Variants in CAST observed in about 807,000 individuals in gnomAD.
CAST encodes the protein calpastatin.
In CAST, 76 loss-of-function variants were observed where a neutral mutation model predicts 119.6. The ratio of observed to expected loss-of-function variants is 0.64; its 90% confidence interval spans 0.53 to 0.77. The LOEUF (loss-of-function observed/expected upper bound fraction) is 0.77. CAST is among the 30% of genes least tolerant of loss of function. The pLI, the probability that CAST is intolerant of heterozygous loss-of-function variation, is 0.00. For missense variants in CAST, 953 were observed against 946.5 expected (o/e 1.01, Z -0.09); for synonymous variants, 319 against 331.6 (o/e 0.96, Z 0.41).
At chr5:96,657,113 A>G (rs1748170914), upstream of CAST, among the ~76,000 whole-genome samples, 3 of 152,236 alleles carry the variant, frequency 2.0e-5, no homozygotes, top group South Asian at 6.2e-4. Context: ...AGAAGGATCA[A>G]GACTATTTTA....
intron 1 of CAST, among the ~76,000 whole-genome samples, chr5:96,574,027 T>TAATTGGATTGA (rs1561420492): frequency 1.8e-4 from 1 of 5,666 alleles, no homozygotes; most frequent in Admixed American, 1.8e-3. Flanking sequence ...GCCCACTTTC[T>TAATTGGATTGA]TTTTTTTTTT....
At chr5:96,486,711 G>GGT in the CAST span, among the ~76,000 whole-genome samples, 3 of 151,654 alleles carry the variant, frequency 2.0e-5, no homozygotes, top group African/African-American at 7.3e-5. Context: ...GTGTTGGGGG[G>GGT]GCAGATTCTG....
chr5:96,095,862 A>G, the CAST span, among the ~76,000 whole-genome samples: 1 of 152,166 alleles, frequency 6.6e-6, no homozygotes, highest in Non-Finnish European at 1.5e-5. Flanking sequence ...CCTTATTATT[A>G]ATTCTAGTGT....
chr5:96,185,978 A>G, the CAST span, among the ~76,000 whole-genome samples: 1 of 152,150 alleles, frequency 6.6e-6, no homozygotes, highest in Non-Finnish European at 1.5e-5. Context: ...CCTCCTATTC[A>G]TGAGCATGAA....
the CAST span, among the ~76,000 whole-genome samples, chr5:96,401,543 A>G: frequency 6.6e-6 from 1 of 152,224 alleles, no homozygotes; most frequent in Non-Finnish European, 1.5e-5. Flanking sequence ...TAATTTAGCA[A>G]CACTATAAAG....
the CAST span, among the ~76,000 whole-genome samples, chr5:96,104,494 C>A: frequency 2.6e-4 from 39 of 152,132 alleles, no homozygotes; most frequent in African/African-American, 9.2e-4. Flanking sequence ...AATAGGGAAT[C>A]CTTTCCCCAT....
chr5:96,480,051 T>A, the CAST span, among the ~76,000 whole-genome samples: 1 of 152,148 alleles, frequency 6.6e-6, no homozygotes, highest in Non-Finnish European at 1.5e-5. Flanking sequence ...CAATTTTAAG[T>A]CATGTTACAG....
At chr5:96,586,012 A>C (rs1267558392) in intron 1 of CAST, among the ~76,000 whole-genome samples, 1 of 152,248 alleles carries the variant, frequency 6.6e-6, no homozygotes, top group African/African-American at 2.4e-5. Context: ...GCTAAGATAT[A>C]CTGAAAAATT....
At chr5:96,396,916 A>G in the CAST span, among the ~76,000 whole-genome samples, 1 of 152,238 alleles carries the variant, frequency 6.6e-6, no homozygotes, top group African/African-American at 2.4e-5. Context: ...CTACATCTAA[A>G]TAGCTATTGC....
the CAST span, among the ~76,000 whole-genome samples, chr5:96,117,497 G>A: frequency 6.6e-6 from 1 of 152,148 alleles, no homozygotes; most frequent in African/African-American, 2.4e-5. Context: ...ACAATAAATG[G>A]TATTGTTTAA....
At chr5:96,642,684 G>A (rs1351483215) in intron 1 of CAST, among the ~76,000 whole-genome samples, 2 of 151,854 alleles carry the variant, frequency 1.3e-5, no homozygotes, top group Non-Finnish European at 2.9e-5. Context: ...TAGGATTACA[G>A]GCACCCGGCA....
At chr5:96,771,784 A>G (rs1253425467) in intron 31 of CAST, 82 bp downstream of exon 31, 2 of 792,274 alleles carry the variant, frequency 2.5e-6, no homozygotes, top group African/African-American at 1.7e-5. Flanking sequence ...AGTGAAGTCC[A>G]CCTCTTGAGT....
chr5:96,559,651 C>T (rs988401622), intron 1 of CAST, among the ~76,000 whole-genome samples: 14 of 152,088 alleles, frequency 9.2e-5, no homozygotes, highest in South Asian at 4.1e-4. Flanking sequence ...TTACAAGGGA[C>T]GTAAAGGACC....
At chr5:96,400,147 G>A in the CAST span, 1 of 1,614,048 alleles carries the variant, frequency 6.2e-7, no homozygotes, top group Non-Finnish European at 8.5e-7. Flanking sequence ...CAGAGGTCCA[G>A]ACAACCAGGT....
the CAST span, among the ~76,000 whole-genome samples, chr5:96,331,591 CCTT>C: frequency 1.3e-5 from 2 of 152,150 alleles, no homozygotes; most frequent in Non-Finnish European, 2.9e-5. Context: ...AGTTTATTCT[CCTT>C]GTTTTTATAT....
chr5:96,174,374 A>G, the CAST span, among the ~76,000 whole-genome samples: 2 of 152,194 alleles, frequency 1.3e-5, no homozygotes, highest in African/African-American at 4.8e-5. Context: ...CATTAGACAG[A>G]TATTTGTTGA....
chr5:96,390,201 T>G, the CAST span, among the ~76,000 whole-genome samples: 2 of 152,310 alleles, frequency 1.3e-5, no homozygotes, highest in East Asian at 1.9e-4. Flanking sequence ...AAACATACCT[T>G]GTTCAGGTAG....
rs189241877 is a variant in CAST, at chr5:96,724,610, C to T, written c.270+1912C>T. ...TTTTGAGAGGTCAAGGTGGGAGGAT[C>T]GCTTGAGCCCAGGAGTTTGGGACCA... On this transcript the variant is annotated intron_variant, in intron 4 of 31. Transcript: ENST00000675179. Among the ~76,000 whole-genome samples, 1,053 of 152,232 alleles carry T rather than the reference C, an allele frequency of 6.9e-3. 19 individuals carry two copies. Among genetic ancestry groups the T allele is most frequent in the African/African-American group, 0.025 (1,020 of 41,546 alleles).
intron 3 of CAST, among the ~76,000 whole-genome samples, chr5:96,717,194 C>T (rs1299323787): frequency 6.6e-6 from 1 of 152,172 alleles, no homozygotes; most frequent in Non-Finnish European, 1.5e-5. Flanking sequence ...ATCGATAAGA[C>T]ATAATGTACA....
Sources: gnomAD v4.1 joint callset for allele counts (sites outside exome capture counted in the v4.1 genomes callset) on GRCh38, gnomAD v4.1.1 for gene constraint, MANE v1.5 for transcripts, NCBI Gene and HGNC (gene_info 2026-07-23, HGNC 2026-07-21) for gene names.